Variants in TMC7 observed in about 807,000 individuals in gnomAD.
The protein encoded by TMC7 is transmembrane channel like 7.
In TMC7, 54 loss-of-function variants were observed where a neutral mutation model predicts 82.9. That is an observed-to-expected ratio of 0.65 (90% confidence interval 0.52 to 0.82). The LOEUF is 0.82. Among genes scored for constraint, TMC7 ranks in the 40% least tolerant of loss-of-function variants. TMC7 has a pLI of 0.00. For synonymous variants in TMC7, 350 were observed against 337.9 expected, an observed-to-expected ratio of 1.04 and a Z score of -0.39; for missense variants, 820 against 901.2, an observed-to-expected ratio of 0.91 and a Z score of 1.15.
intron 3 of TMC7, among the ~76,000 whole-genome samples, chr16:19,020,857 T>TAAAC (rs1959936021): frequency 7.3e-6 from 1 of 137,170 alleles, no homozygotes; most frequent in South Asian, 2.2e-4. Flanking sequence ...GTGTCAAAAA[T>TAAAC]AAATAAATAA....
In TMC7 at chr16:19,040,319, C is replaced by A; in HGVS notation, c.1210C>A (p.Leu404Ile). 1 of 1,613,526 alleles carries A rather than the reference C, an allele frequency of 6.2e-7. No homozygotes were observed. The highest frequency in any genetic ancestry group is 8.5e-7 in the Non-Finnish European group (1 of 1,179,896). Reference protein sequence around the residue: ...EIDKMVFGENLFILYLPSIVI... With the variant: ...EIDKMVFGENIFILYLPSIVI... Reference sequence around the variant, plus strand: ...CGACAAGATGGTTTTTGGAGAGAACCTCTTCATATTGTATCTACCGTCTAT... The same window carrying A: ...CGACAAGATGGTTTTTGGAGAGAACATCTTCATATTGTATCTACCGTCTAT... The change falls in exon 9 of 16, where the codon CTC becomes ATC. Residue 404 changes from leucine to isoleucine, a missense_variant. Coordinates refer to ENST00000304381, the MANE Select transcript of TMC7 (RefSeq NM_024847.4).
intron 1 of TMC7, among the ~76,000 whole-genome samples, chr16:18,991,463 ACT>A (rs1182735311): frequency 6.6e-6 from 1 of 152,100 alleles, no homozygotes; most frequent in Non-Finnish European, 1.5e-5. Context: ...TAAAAACAAC[ACT>A]CTGCATTTAA....
chr16:19,005,521 A>T (rs1196504500), intron 1 of TMC7, among the ~76,000 whole-genome samples: 1 of 152,190 alleles, frequency 6.6e-6, no homozygotes, highest in Non-Finnish European at 1.5e-5. Context: ...TAGATCCTCC[A>T]TTCCCGAGAT....
chr16:18,994,476 C>T (rs1024740555), intron 1 of TMC7, among the ~76,000 whole-genome samples: 5 of 151,800 alleles, frequency 3.3e-5, no homozygotes, highest in South Asian at 4.2e-4. Flanking sequence ...GAATTCTGAC[C>T]GCACAGCCCT....
intron 1 of TMC7, among the ~76,000 whole-genome samples, chr16:18,987,799 G>A (rs1184713286): frequency 6.6e-6 from 1 of 152,198 alleles, no homozygotes; most frequent in African/African-American, 2.4e-5. Context: ...AGACTCTGGA[G>A]TCTCAAGTGC....
rs998969347 is a variant in TMC7, at chr16:19,022,082, A to G, written c.628+286A>G. Among the ~76,000 whole-genome samples, 7 of 152,328 alleles carry G rather than the reference A, an allele frequency of 4.6e-5. No individual in the cohort carries two copies. In the South Asian group the frequency reaches 1.0e-3, roughly 23 times the overall value. On this transcript the variant is annotated intron_variant, in intron 4 of 15. Transcript: ENST00000304381. Reference sequence around the variant, plus strand: ...TGTCCACTGTGTGCTCTGGAGCCCAAGCTGATGGAGCAGCCTCTATCTGGA... The same window carrying G: ...TGTCCACTGTGTGCTCTGGAGCCCAGGCTGATGGAGCAGCCTCTATCTGGA...
rs548381105 is a variant in TMC7 at position 19,014,345 on chromosome 16, G to C, written c.312-2105G>C. On this transcript the variant is annotated intron_variant, in intron 2 of 15. Coordinates refer to ENST00000304381, the MANE Select transcript of TMC7 (RefSeq NM_024847.4). ...CAGACCATTGCCTGATGTTCCTTGG[G>C]GGGTATGCAAAATCGCCCCCACTTG... 9.9e-5 allele frequency among the ~76,000 whole-genome samples: 15 copies of C among 152,260 alleles called. No individual in the cohort carries two copies. The East Asian group carries it at 2.7e-3, about 27-fold the overall frequency.
At chr16:19,023,046 A>T in intron 4 of TMC7, 67 bp from the exon 5 acceptor site, 1 of 999,800 alleles carries the variant, frequency 1.0e-6, no homozygotes, top group Non-Finnish European at 1.5e-6. Flanking sequence ...CAAACAAACA[A>T]AAAAACCAGG....
chr16:18,993,227 T>C (rs1304161385), intron 1 of TMC7, among the ~76,000 whole-genome samples: 3 of 152,096 alleles, frequency 2.0e-5, no homozygotes, highest in Non-Finnish European at 2.9e-5. Context: ...GTGAAAGTGT[T>C]GGAGTGTGTC....
chr16:19,016,507 T>C lies in TMC7; in HGVS notation c.369T>C (p.Tyr123=), dbSNP rs772152641. The C allele has an allele frequency of 4.3e-6, 7 of 1,614,176 alleles. No individual in the cohort carries two copies. Among genetic ancestry groups the C allele is most frequent in the Non-Finnish European group, 5.1e-6 (6 of 1,180,032 alleles). ...CCGAATGGGACCAGTGGAAGCGGTATAGCAGCAAGTCTTGGAAGAGGTTCC... is the reference window on the plus strand; with the variant it reads ...CCGAATGGGACCAGTGGAAGCGGTACAGCAGCAAGTCTTGGAAGAGGTTCC... ...YLSEWDQWKR[Y]SSKSWKRFLE... is the part of the protein sequence containing the mutation. The change falls in exon 3 of 16, where the codon TAT becomes TAC. Residue 123 remains tyrosine, a synonymous_variant. Coordinates refer to ENST00000304381, the MANE Select transcript of TMC7 (RefSeq NM_024847.4).
At chr16:19,034,048 C>G (rs1960633038) in intron 6 of TMC7, among the ~76,000 whole-genome samples, 1 of 152,142 alleles carries the variant, frequency 6.6e-6, no homozygotes, top group Non-Finnish European at 1.5e-5. Context: ...TCCATGAAAG[C>G]ATTTGAATGA....
chr16:19,020,669 A>G (rs1448513640), intron 3 of TMC7, among the ~76,000 whole-genome samples: 1 of 151,914 alleles, frequency 6.6e-6, no homozygotes, highest in Non-Finnish European at 1.5e-5. Context: ...GGAGTTCGAG[A>G]CCAGCTTGGC....
At position 19,021,752 on chromosome 16, in the gene TMC7, A is replaced by C. The variant is rs751893078; in HGVS notation, c.584A>C (p.Lys195Thr). 12 of 1,614,180 alleles carry C rather than the reference A, an allele frequency of 7.4e-6. No homozygotes were observed. The highest frequency in any genetic ancestry group is 3.3e-5 in the Admixed American group (2 of 59,988). ...CTCCCAGTCTTACTCACGAAATACA[A>C]GATCACCAACAGCAGCTTCGTGCTC... Reference protein sequence around the residue: ...VLLPVLLTKYKITNSSFVLIP... With the variant: ...VLLPVLLTKYTITNSSFVLIP... The change falls in exon 4 of 16, where the codon AAG becomes ACG. Residue 195 changes from lysine to threonine, a missense_variant. Lys to Thr is a moderately conservative substitution (Grantham distance 78). Around this residue, in one of 2 missense-constraint regions of TMC7, gnomAD observed 650 missense variants for 669.9 expected, o/e 0.97. Transcript: ENST00000304381.
intron 14 of TMC7, 130 bp downstream of exon 14, chr16:19,056,827 T>C (rs1455351234): frequency 9.1e-7 from 1 of 1,096,152 alleles, no homozygotes; most frequent in African/African-American, 1.6e-5. Context: ...TTCCCATCTC[T>C]AAAATGGGCA....
At chr16:19,050,379 A>C (rs1421153188) in intron 12 of TMC7, among the ~76,000 whole-genome samples, 1 of 151,458 alleles carries the variant, frequency 6.6e-6, no homozygotes, top group Non-Finnish European at 1.5e-5. Context: ...AAAAAAAAAA[A>C]AAAAAAAAAA....
intron 5 of TMC7, among the ~76,000 whole-genome samples, chr16:19,024,092 T>C (rs1960113121): frequency 6.6e-6 from 1 of 152,174 alleles, no homozygotes; most frequent in South Asian, 2.1e-4. Flanking sequence ...CTTAATCTCT[T>C]TGCTTTTATG....
intron 1 of TMC7, among the ~76,000 whole-genome samples, chr16:18,989,830 T>A (rs2038917318): frequency 6.6e-6 from 1 of 150,836 alleles, no homozygotes; most frequent in South Asian, 2.1e-4. Context: ...CTCCTTTTTT[T>A]TATTTTTTTT....
chr16:19,020,705 TA>T (rs2142207497), intron 3 of TMC7, among the ~76,000 whole-genome samples: 1 of 151,362 alleles, frequency 6.6e-6, no homozygotes, highest in Non-Finnish European at 1.5e-5. Context: ...TCATCTGTAC[TA>T]AAAACATAAA....
chr16:19,031,168 T>G (rs1005843058), intron 6 of TMC7, among the ~76,000 whole-genome samples: 8 of 152,302 alleles, frequency 5.3e-5, no homozygotes, highest in South Asian at 2.1e-4. Flanking sequence ...AAATAGGGCA[T>G]CTTATAGTTT....
Sources: gnomAD v4.1 joint callset for allele counts (sites outside exome capture counted in the v4.1 genomes callset) on GRCh38, gnomAD v4.1.1 for gene constraint, gnomAD v4.1.1 regional missense constraint, MANE v1.5 for transcripts, NCBI Gene and HGNC (gene_info 2026-07-23, HGNC 2026-07-21) for gene names.